The following ARHGAP6 variants were observed in gnomAD, a reference collection of about 807,000 sequenced individuals.
The protein encoded by ARHGAP6 is rho GTPase-activating protein 6.
ARHGAP6 carries 16 observed loss-of-function variants against 55.7 expected under a neutral mutation model. That is an observed-to-expected ratio of 0.29 (90% CI 0.19 to 0.44). The LOEUF is 0.44. ARHGAP6 is among the 20% of genes least tolerant of loss of function. ARHGAP6 has a pLI of 1.00. For synonymous variants in ARHGAP6, 382 were observed against 360.9 expected (o/e 1.06, Z -0.66); for missense variants, 698 against 808.9 (o/e 0.86, Z 1.66).
At chrX:11,409,461 G>A (rs781438188) in intron 1 of ARHGAP6, among the ~76,000 whole-genome samples, 2 of 111,738 alleles carry the variant, frequency 1.8e-5, no homozygotes, top group South Asian at 7.6e-4. Context: ...GCTGGAAAAT[G>A]GTTGAAGTGG....
intron 1 of ARHGAP6, among the ~76,000 whole-genome samples, chrX:11,396,566 T>C (rs944846194): frequency 8.9e-6 from 1 of 111,889 alleles, no homozygotes; most frequent in Admixed American, 9.5e-5. Flanking sequence ...AGCACTGTTC[T>C]AGGACTCATA....
At chrX:11,634,920 G>A (rs1395927052) in intron 1 of ARHGAP6, among the ~76,000 whole-genome samples, 1 of 111,837 alleles carries the variant, frequency 8.9e-6, no homozygotes, top group Non-Finnish European at 1.9e-5. Context: ...TGAAGTGGGG[G>A]TTTCATCTGG....
chrX:11,484,177 C>T (rs1009267854), intron 1 of ARHGAP6, among the ~76,000 whole-genome samples: 11 of 111,047 alleles, frequency 9.9e-5, no homozygotes, highest in African/African-American at 2.3e-4. Context: ...TCAGTGTGCC[C>T]GAGCTTGAAA....
At chrX:11,395,566 C>T (rs1191967518) in intron 1 of ARHGAP6, among the ~76,000 whole-genome samples, 1 of 112,139 alleles carries the variant, frequency 8.9e-6, no homozygotes, top group Admixed American at 9.5e-5. Flanking sequence ...ATGCACACAA[C>T]TGGTTCTCCA....
At chrX:11,639,923 C>T (rs751307322) in intron 1 of ARHGAP6, among the ~76,000 whole-genome samples, 2 of 111,146 alleles carry the variant, frequency 1.8e-5, no homozygotes, top group Non-Finnish European at 3.8e-5. Context: ...AGCCTCCTTT[C>T]AAGCTTAAGC....
intron 1 of ARHGAP6, among the ~76,000 whole-genome samples, chrX:11,364,340 C>A (rs1294632194): frequency 9.3e-6 from 1 of 107,949 alleles, no homozygotes; most frequent in Non-Finnish European, 1.9e-5. Context: ...TGCACATGTA[C>A]CTTTGAAACT....
chrX:11,665,048 A>G lies in ARHGAP6; in HGVS notation c.-220T>C. The G allele has an allele frequency of 2.7e-6, 1 of 369,838 alleles. No homozygotes were observed. The allele number at this position is 369,838 out of a possible 1,213,427, so 30.5% of individuals were successfully genotyped here. A position where few individuals can be genotyped will look rare whatever the true frequency, so the allele number is the denominator to read the frequency against. On this transcript the variant is annotated 5_prime_UTR_variant, in exon 1 of 13. Coordinates refer to ENST00000337414, the MANE Select transcript of ARHGAP6 (RefSeq NM_013427.3). The stretch of plus-strand genomic sequence containing the variant: ...CAGATCCATCACCAGCCTTCTAGGA[A>G]AATGGGTCTGGGGACCTCCTGCAGC...
At chrX:11,353,812 C>T (rs1486081884) in intron 1 of ARHGAP6, among the ~76,000 whole-genome samples, 3 of 110,605 alleles carry the variant, frequency 2.7e-5, no homozygotes, top group African/African-American at 6.6e-5. Flanking sequence ...TTTCCTTGAC[C>T]TCATCATTGG....
At chrX:11,296,884 T>A in intron 1 of ARHGAP6, 2 of 1,150,014 alleles carry the variant, frequency 1.7e-6, no homozygotes, top group Non-Finnish European at 2.4e-6. Flanking sequence ...CCCTGGGCTC[T>A]GTAAAGAATA....
At chrX:11,528,034 T>A (rs1292266837) in intron 1 of ARHGAP6, among the ~76,000 whole-genome samples, 5 of 112,579 alleles carry the variant, frequency 4.4e-5, no homozygotes, top group Non-Finnish European at 7.5e-5. Context: ...GTCAAAAGGC[T>A]TAAGGACTTG....
At chrX:11,177,491 A>G (rs137973529) in intron 8 of ARHGAP6, among the ~76,000 whole-genome samples, 554 of 111,118 alleles carry the variant, frequency 5.0e-3, no homozygotes, top group Non-Finnish European at 8.5e-3. Context: ...TCAAGACACA[A>G]TGGCAATGGT....
intron 1 of ARHGAP6, among the ~76,000 whole-genome samples, chrX:11,587,539 G>T (rs1601673457): frequency 8.9e-6 from 1 of 111,812 alleles, no homozygotes; most frequent in Non-Finnish European, 1.9e-5. Context: ...AGCGAGACTG[G>T]TATAGAAGGA....
chrX:11,651,785 A>G (rs1306038990), intron 1 of ARHGAP6, among the ~76,000 whole-genome samples: 1 of 111,070 alleles, frequency 9.0e-6, no homozygotes, highest in Non-Finnish European at 1.9e-5. Context: ...TTTCTCCACA[A>G]CCTCGCCAGC....
chrX:11,318,220 C>G (rs765492588), intron 1 of ARHGAP6, among the ~76,000 whole-genome samples: 1 of 111,809 alleles, frequency 8.9e-6, no homozygotes, highest in South Asian at 3.7e-4. Flanking sequence ...ATACAGCTGG[C>G]ATAATTGCTG....
At chrX:11,520,808 T>G (rs898721054) in intron 1 of ARHGAP6, among the ~76,000 whole-genome samples, 8 of 111,633 alleles carry the variant, frequency 7.2e-5, no homozygotes, top group Non-Finnish European at 1.5e-4. Context: ...TTTCTCCACA[T>G]CCTCTCCAGC....
chrX:11,323,813 C>G (rs760099953), intron 1 of ARHGAP6, among the ~76,000 whole-genome samples: 1 of 98,508 alleles, frequency 1.0e-5, no homozygotes, highest in African/African-American at 3.8e-5. Context: ...TGCAGTGAGC[C>G]GAGATCGCAC....
chrX:11,207,742 C>T (rs2046727791), intron 2 of ARHGAP6, among the ~76,000 whole-genome samples: 1 of 112,155 alleles, frequency 8.9e-6, no homozygotes, highest in Admixed American at 9.4e-5. Flanking sequence ...TAATATACAA[C>T]AATATAGACA....
chrX:11,567,698 G>C (rs1010066556), intron 1 of ARHGAP6, among the ~76,000 whole-genome samples: 1 of 108,956 alleles, frequency 9.2e-6, no homozygotes, highest in Non-Finnish European at 1.9e-5. Context: ...GTCTTGCTCT[G>C]TCGCCCAGGC....
Position 11,138,843 on chromosome X carries a change from G to T in ARHGAP6, c.*20C>A. ...GAGGGCGGGGGGCTCGGGGCAGGGGGGGCTCGGCTGGGTGCGGGCTCAGAC... is the reference window on the plus strand; with the variant it reads ...GAGGGCGGGGGGCTCGGGGCAGGGGTGGCTCGGCTGGGTGCGGGCTCAGAC... On this transcript the variant is annotated 3_prime_UTR_variant, in exon 13 of 13. Coordinates refer to ENST00000337414, the MANE Select transcript of ARHGAP6 (RefSeq NM_013427.3). 8.6e-7 allele frequency: 1 copy of T among 1,166,837 alleles called. No individual in the cohort carries two copies. The highest frequency in any genetic ancestry group is 3.1e-5 in the East Asian group (1 of 31,855).
Sources: gnomAD v4.1 joint callset for allele counts (sites outside exome capture counted in the v4.1 genomes callset) on GRCh38, gnomAD v4.1.1 for gene constraint, MANE v1.5 for transcripts, NCBI Gene and HGNC (gene_info 2026-07-23, HGNC 2026-07-21) for gene names.